Variants in RPS6KC1 observed in about 807,000 individuals in gnomAD.
The protein encoded by RPS6KC1 is inactive ribosomal protein S6 kinase delta-1.
A neutral mutation model predicts 103.8 loss-of-function variants in RPS6KC1; 54 were observed. The observed-to-expected ratio is 0.52, with a 90% CI of 0.42 to 0.65. The LOEUF is 0.65. Among genes scored for constraint, RPS6KC1 ranks in the 30% least tolerant of loss-of-function variants. The probability of loss-of-function intolerance (pLI) is 0.00; values close to 1 mark genes in which losing one functional copy is unlikely to be tolerated. For synonymous variants in RPS6KC1, 439 were observed against 438.7 expected (o/e 1.00, Z -0.01); for missense variants, 1,151 against 1,253.8 (o/e 0.92, Z 1.24).
At chr1:213,762,145 C>T in the RPS6KC1 span, among the ~76,000 whole-genome samples, 19 of 152,108 alleles carry the variant, frequency 1.2e-4, no homozygotes, top group Non-Finnish European at 2.4e-4. Context: ...GTCAGAGGTG[C>T]GCTGTCTCGG....
chr1:213,089,246 A>T (rs1045268001), intron 3 of RPS6KC1, among the ~76,000 whole-genome samples: 9 of 151,410 alleles, frequency 5.9e-5, no homozygotes, highest in African/African-American at 2.2e-4. Flanking sequence ...GAGTTCATGA[A>T]CTCTTACCGT....
intron 1 of RPS6KC1, among the ~76,000 whole-genome samples, chr1:213,064,676 CTT>C (rs34472724): frequency 6.7e-5 from 7 of 104,876 alleles, no homozygotes; most frequent in Admixed American, 1.2e-4. Context: ...CCTTTGTGAA[CTT>C]TTTTTTTTTT....
chr1:213,331,261 T>A, the RPS6KC1 span, among the ~76,000 whole-genome samples: 7 of 152,232 alleles, frequency 4.6e-5, no homozygotes, highest in Non-Finnish European at 1.0e-4. Flanking sequence ...CTTAAAGTTC[T>A]GCTTGTCTAT....
the RPS6KC1 span, among the ~76,000 whole-genome samples, chr1:213,450,804 CG>C: frequency 6.6e-6 from 1 of 152,010 alleles, no homozygotes; most frequent in Non-Finnish European, 1.5e-5. Flanking sequence ...GGTGAAACTC[CG>C]TCTCTACTAA....
the RPS6KC1 span, among the ~76,000 whole-genome samples, chr1:213,523,974 T>A: frequency 1.3e-5 from 2 of 151,896 alleles, no homozygotes; most frequent in Non-Finnish European, 2.9e-5. Flanking sequence ...CTGAGACAAG[T>A]ACAAAGTCAC....
At chr1:213,056,794 C>T (rs1280256786) in intron 1 of RPS6KC1, among the ~76,000 whole-genome samples, 2 of 151,378 alleles carry the variant, frequency 1.3e-5, no homozygotes, top group African/African-American at 4.8e-5. Context: ...AATACTCTTT[C>T]CTTTTGTCTT....
chr1:213,327,567 T>A, the RPS6KC1 span, among the ~76,000 whole-genome samples: 3 of 152,116 alleles, frequency 2.0e-5, no homozygotes, highest in Admixed American at 6.6e-5. Flanking sequence ...CCTGCATTGC[T>A]ACTAGTTGTG....
chr1:213,521,932 A>G, the RPS6KC1 span, among the ~76,000 whole-genome samples: 2 of 152,302 alleles, frequency 1.3e-5, no homozygotes, highest in South Asian at 2.1e-4. Context: ...CTTCTTCCAA[A>G]CACTTGTTAA....
intron 8 of RPS6KC1, among the ~76,000 whole-genome samples, chr1:213,213,848 A>G: frequency 6.6e-6 from 1 of 152,222 alleles, no homozygotes; most frequent in East Asian, 1.9e-4. Context: ...GTTTTCAGCT[A>G]TTATCACAAT....
intron 14 of RPS6KC1, among the ~76,000 whole-genome samples, chr1:213,271,504 G>A (rs1201780452): frequency 1.3e-5 from 2 of 152,092 alleles, no homozygotes; most frequent in African/African-American, 2.4e-5. Flanking sequence ...GGTGGCTCAC[G>A]CCTGTAATCC....
chr1:213,703,170 A>G, the RPS6KC1 span, among the ~76,000 whole-genome samples: 209 of 152,316 alleles, frequency 1.4e-3, no homozygotes, highest in Non-Finnish European at 2.5e-3. Context: ...TTTAAAGCTA[A>G]TAACAACTTA....
At chr1:213,223,136 T>G (rs143188120) in intron 8 of RPS6KC1, among the ~76,000 whole-genome samples, 2 of 152,322 alleles carry the variant, frequency 1.3e-5, no homozygotes, top group East Asian at 3.9e-4. Context: ...TCATCCAGAT[T>G]ATAAGCAGCA....
intron 14 of RPS6KC1, among the ~76,000 whole-genome samples, chr1:213,264,814 G>C (rs949202779): frequency 6.6e-6 from 1 of 152,016 alleles, no homozygotes; most frequent in Non-Finnish European, 1.5e-5. Flanking sequence ...ATAATTCTAC[G>C]TGGGGGAAAT....
the RPS6KC1 span, among the ~76,000 whole-genome samples, chr1:213,285,060 A>G: frequency 6.6e-6 from 1 of 152,236 alleles, no homozygotes; most frequent in African/African-American, 2.4e-5. Flanking sequence ...TACTATAACA[A>G]AGCGCCATAG....
At chr1:213,534,857 G>C in the RPS6KC1 span, among the ~76,000 whole-genome samples, 1 of 152,170 alleles carries the variant, frequency 6.6e-6, no homozygotes, top group Admixed American at 6.5e-5. Flanking sequence ...GCCCGCTACA[G>C]CTACCCTGAT....
chr1:213,383,504 C>T, the RPS6KC1 span, among the ~76,000 whole-genome samples: 5 of 152,206 alleles, frequency 3.3e-5, no homozygotes, highest in African/African-American at 1.2e-4. Context: ...TTCATATCCG[C>T]ATCTGTAAAC....
At chr1:213,804,783 T>C in the RPS6KC1 span, among the ~76,000 whole-genome samples, 3 of 152,166 alleles carry the variant, frequency 2.0e-5, no homozygotes, top group Admixed American at 2.0e-4. Flanking sequence ...TAAATAGAGA[T>C]TGAATGAATT....
chr1:213,403,754 A>T, the RPS6KC1 span, among the ~76,000 whole-genome samples: 3 of 152,258 alleles, frequency 2.0e-5, no homozygotes, highest in South Asian at 2.1e-4. Flanking sequence ...AGATGCATAA[A>T]CACTTATCTG....
At chr1:213,087,272 A>G (rs2080482812) in intron 3 of RPS6KC1, among the ~76,000 whole-genome samples, 1 of 152,186 alleles carries the variant, frequency 6.6e-6, no homozygotes, top group African/African-American at 2.4e-5. Flanking sequence ...TTCTTATATA[A>G]ATACCTATGT....
Sources: gnomAD v4.1 joint callset for allele counts (sites outside exome capture counted in the v4.1 genomes callset) on GRCh38, gnomAD v4.1.1 for gene constraint, MANE v1.5 for transcripts, NCBI Gene and HGNC (gene_info 2026-07-23, HGNC 2026-07-21) for gene names.